The following FAM186B variants were observed in gnomAD, a reference collection of about 807,000 sequenced individuals.
The protein encoded by FAM186B is family with sequence similarity 186 member B.
Under a neutral mutation model 83.4 loss-of-function variants are expected in FAM186B, and 68 were observed. The observed-to-expected ratio is 0.81, with a 90% confidence interval of 0.67 to 1.00. FAM186B has a LOEUF of 1.00. Among genes scored for constraint, FAM186B ranks in the 50% least tolerant of loss-of-function variants. The probability of loss-of-function intolerance (pLI) is 0.00; values close to 1 mark genes in which losing one functional copy is unlikely to be tolerated. For synonymous variants in FAM186B, 389 were observed against 422.0 expected, an observed-to-expected ratio of 0.92 and a Z score of 0.96; for missense variants, 983 against 1,099.2, an observed-to-expected ratio of 0.89 and a Z score of 1.49.
chr12:49,603,437 C>A, intron 2 of FAM186B, 70 bp from the exon 3 acceptor site: 1 of 1,494,510 alleles, frequency 6.7e-7, no homozygotes, highest in Non-Finnish European at 9.2e-7. Context: ...AGCCCTATAG[C>A]ACAGGGGTTC....
chr12:49,594,868 CTG>C (rs1324349690), intron 5 of FAM186B, among the ~76,000 whole-genome samples: 3 of 149,124 alleles, frequency 2.0e-5, no homozygotes, highest in African/African-American at 7.5e-5. Context: ...GAGCAAGACT[CTG>C]TCTCAAAAAA....
chr12:49,584,866 C>T (rs1367041604), downstream of FAM186B, among the ~76,000 whole-genome samples: 4 of 152,176 alleles, frequency 2.6e-5, no homozygotes, highest in Non-Finnish European at 4.4e-5. Context: ...TGCTCCTTCC[C>T]ACCCATCCAT....
chr12:49,615,987 A>G, the FAM186B span, among the ~76,000 whole-genome samples: 1 of 152,092 alleles, frequency 6.6e-6, no homozygotes, highest in Admixed American at 6.5e-5. Flanking sequence ...CTTATATGGT[A>G]TATTGCCGGT....
At chr12:49,585,149 G>A (rs1328810272), downstream of FAM186B, among the ~76,000 whole-genome samples, 1 of 152,166 alleles carries the variant, frequency 6.6e-6, no homozygotes, top group Non-Finnish European at 1.5e-5. Context: ...CTCCTGAGTA[G>A]CTGGGACTAC....
At chr12:49,608,300 G>A (rs531503238), upstream of FAM186B, among the ~76,000 whole-genome samples, 218 of 151,158 alleles carry the variant, frequency 1.4e-3, 1 homozygote, top group Middle Eastern at 6.8e-3. Flanking sequence ...AGATGAGCCT[G>A]GCCAACATGG....
chr12:49,598,895 T>C lies in FAM186B; in HGVS notation c.2224A>G (p.Lys742Glu), dbSNP rs1394875904. Reference sequence around the variant, plus strand: ...AGGAAGATGTAGAGGTTCTGGGCCTTGTAGGAAGCCTCCGTTTCTTTCATG... The same window carrying C: ...AGGAAGATGTAGAGGTTCTGGGCCTCGTAGGAAGCCTCCGTTTCTTTCATG... The part of the protein sequence containing the change: ...QIMKETEASY[K>E]AQNLYIFLEN... Residue 742 changes from lysine (K) to glutamate (E), a missense_variant, in exon 5 of 7, where the codon AAG becomes GAG. Lys to Glu is a moderately conservative substitution (Grantham distance 56). Transcript: ENST00000257894. 3.1e-6 allele frequency: 5 copies of C among 1,613,534 alleles called. No individual in the cohort carries two copies. The East Asian group carries it at 1.1e-4, about 36-fold the overall frequency.
chr12:49,589,391 C>T (rs146470314), intron 5 of FAM186B, among the ~76,000 whole-genome samples: 15 of 152,312 alleles, frequency 9.8e-5, no homozygotes, highest in African/African-American at 3.6e-4. Flanking sequence ...GCCTGAGCCT[C>T]AGGTCTTGAG....
At chr12:49,618,215 C>T in the FAM186B span, among the ~76,000 whole-genome samples, 3 of 152,040 alleles carry the variant, frequency 2.0e-5, no homozygotes, top group East Asian at 1.9e-4. Context: ...CGTGTTGGCA[C>T]GTGCCTGTAA....
At chr12:49,610,064 G>T (rs1350019143), upstream of FAM186B, among the ~76,000 whole-genome samples, 1 of 150,860 alleles carries the variant, frequency 6.6e-6, no homozygotes, top group East Asian at 1.9e-4. Flanking sequence ...CAAGGCTATA[G>T]AAGCAAAGCC....
the FAM186B span, among the ~76,000 whole-genome samples, chr12:49,616,122 C>T: frequency 1.1e-4 from 16 of 152,082 alleles, no homozygotes; most frequent in Admixed American, 2.6e-4. Flanking sequence ...CTCCGCCTCC[C>T]GGGTTCAAGC....
chr12:49,607,434 G>A (rs1383928593), upstream of FAM186B, among the ~76,000 whole-genome samples: 4 of 151,850 alleles, frequency 2.6e-5, no homozygotes, highest in African/African-American at 9.7e-5. Flanking sequence ...TAGATGAAAT[G>A]GGCAAATTCT....
At chr12:49,591,417 G>A (rs1379404385) in intron 5 of FAM186B, among the ~76,000 whole-genome samples, 3 of 152,122 alleles carry the variant, frequency 2.0e-5, no homozygotes, top group South Asian at 2.1e-4. Flanking sequence ...GTAAAATACC[G>A]AAAGAAAAAG....
Position 49,605,140 on chromosome 12 carries a change from A to C in FAM186B, c.96+242T>G, listed in dbSNP as rs900697905. The C allele has an allele frequency of 1.3e-5, 17 of 1,337,140 alleles. No individual in the cohort carries two copies. In the Middle Eastern group the frequency reaches 8.7e-4, roughly 69 times the overall value. The allele number at this position is 1,337,140 out of a possible 1,614,324, so 82.8% of individuals were successfully genotyped here. On this transcript the variant is annotated intron_variant, in intron 1 of 6. Coordinates refer to ENST00000257894, the MANE Select transcript of FAM186B (RefSeq NM_032130.3). ...ACGATGTGCCTCAGGGCTATCCTCG[A>C]GCTTCCTGCCCCCTTCCCGGGCCCC...
rs745746558 is a variant in FAM186B, at chr12:49,603,298, A to G, written c.392T>C (p.Ile131Thr). 6.2e-7 allele frequency: 1 copy of G among 1,614,130 alleles called. No homozygotes were observed. Residue 131 changes from isoleucine to threonine, a missense_variant, in exon 3 of 7, where the codon ATT (isoleucine) becomes ACT (threonine). Physicochemically the swap from Ile to Thr is moderately conservative, Grantham distance 89. Transcript: ENST00000257894. ...EEEAAALDEW[I>T]EVTEKVLPLS... ...CGGTAACACTTTCTCCGTCACTTCA[A>G]TCCATTCGTCCAGAGCTGCTGCTTC...
rs755311970 is a variant in FAM186B at position 49,605,517 on chromosome 12, T to A, written c.-40A>T. On this transcript the variant is annotated 5_prime_UTR_variant, in exon 1 of 7. Transcript: ENST00000257894. ...TCAGTCACAAAACATCCTGTGTTTC[T>A]GGTCCACAGGCCTGGACACACAATG... 6.3e-7 allele frequency: 1 copy of A among 1,596,058 alleles called. No homozygotes were observed. The highest frequency in any genetic ancestry group is 8.5e-7 in the Non-Finnish European group (1 of 1,170,146).
intron 5 of FAM186B, among the ~76,000 whole-genome samples, chr12:49,596,138 C>T (rs1449203429): frequency 2.6e-5 from 4 of 152,004 alleles, no homozygotes; most frequent in Admixed American, 1.3e-4. Flanking sequence ...CTGCTTTTGC[C>T]GAAGTATAGT....
chr12:49,621,228 C>T, the FAM186B span, among the ~76,000 whole-genome samples: 1 of 152,038 alleles, frequency 6.6e-6, no homozygotes, highest in African/African-American at 2.4e-5. Flanking sequence ...ACTAAAAATA[C>T]AAAAATTCGC....
the FAM186B span, among the ~76,000 whole-genome samples, chr12:49,613,768 G>A: frequency 4.0e-5 from 6 of 151,764 alleles, no homozygotes; most frequent in African/African-American, 1.5e-4. Context: ...AGTCCAGGGA[G>A]GTCAAGGCTG....
chr12:49,604,613 T>C, intron 1 of FAM186B, 75 bp from the exon 2 acceptor site: 3 of 1,266,524 alleles, frequency 2.4e-6, no homozygotes, highest in Non-Finnish European at 3.4e-6. Context: ...AGCGTGACCT[T>C]GGACAAGTCG....
Sources: allele counts gnomAD v4.1 joint callset (sites outside exome capture counted in the v4.1 genomes callset), GRCh38; gene constraint gnomAD v4.1.1; transcripts MANE v1.5; gene names NCBI Gene and HGNC (gene_info 2026-07-23, HGNC 2026-07-21).